The following PGCKA1 variants were observed in gnomAD, a reference collection of about 807,000 sequenced individuals.
PGCKA1 encodes the protein PDCD10 and GCKIII kinases associated 1.
chr4:37,517,408 T>C, the PGCKA1 span, among the ~76,000 whole-genome samples: 30,860 of 151,400 alleles, frequency 0.2, 3,884 homozygotes, highest in African/African-American at 0.34. Context: ...TAACCACAGA[T>C]TATTGGGGAC....
chr4:37,593,100 C>A, the PGCKA1 span, among the ~76,000 whole-genome samples: 3 of 152,162 alleles, frequency 2.0e-5, no homozygotes, highest in Non-Finnish European at 2.9e-5. Context: ...AAGATAAAGT[C>A]TTGGCATTGT....
At chr4:37,538,067 T>TCACACACACA in the PGCKA1 span, among the ~76,000 whole-genome samples, 16,323 of 150,106 alleles carry the variant, frequency 0.11, 2,896 homozygotes, top group African/African-American at 0.37. Context: ...CACAACCCTG[T>TCACACACACA]CACACACACA....
At chr4:37,493,748 C>G in the PGCKA1 span, among the ~76,000 whole-genome samples, 1 of 152,166 alleles carries the variant, frequency 6.6e-6, no homozygotes, top group East Asian at 1.9e-4. Flanking sequence ...TTCTCAGCCT[C>G]TGGTAACCAT....
At chr4:37,468,746 C>CACA in the PGCKA1 span, among the ~76,000 whole-genome samples, 260 of 151,418 alleles carry the variant, frequency 1.7e-3, 3 homozygotes, top group Admixed American at 0.014. Context: ...CTGTATACCC[C>CACA]CCCACACACA....
the PGCKA1 span, among the ~76,000 whole-genome samples, chr4:37,580,578 A>G: frequency 1.3e-5 from 2 of 152,130 alleles, no homozygotes; most frequent in Non-Finnish European, 2.9e-5. Flanking sequence ...AGTTCACTGG[A>G]TTACCGGGCA....
the PGCKA1 span, among the ~76,000 whole-genome samples, chr4:37,557,288 G>A: frequency 1.2e-4 from 18 of 151,880 alleles, no homozygotes; most frequent in East Asian, 1.2e-3. Context: ...GGGATTTTTC[G>A]CTTAGTCAAA....
chr4:37,514,851 T>G, the PGCKA1 span, among the ~76,000 whole-genome samples: 1 of 152,216 alleles, frequency 6.6e-6, no homozygotes, highest in Non-Finnish European at 1.5e-5. Context: ...GCTGGCAGTT[T>G]AATGTTGGCT....
chr4:37,522,525 C>T, the PGCKA1 span, among the ~76,000 whole-genome samples: 1 of 152,072 alleles, frequency 6.6e-6, no homozygotes, highest in Non-Finnish European at 1.5e-5. Flanking sequence ...ATCTAACAGT[C>T]AATTCCTGGA....
chr4:37,474,698 G>A, the PGCKA1 span, among the ~76,000 whole-genome samples: 612 of 152,266 alleles, frequency 4.0e-3, 1 homozygote, highest in African/African-American at 0.014. Context: ...AACTGAAAGG[G>A]TTGGGCTCAG....
the PGCKA1 span, among the ~76,000 whole-genome samples, chr4:37,539,729 C>T: frequency 6.6e-6 from 1 of 152,168 alleles, no homozygotes; most frequent in Non-Finnish European, 1.5e-5. Context: ...GGACCTGCTG[C>T]CATCCTCACT....
chr4:37,575,547 G>A, the PGCKA1 span, among the ~76,000 whole-genome samples: 1 of 151,924 alleles, frequency 6.6e-6, no homozygotes, highest in African/African-American at 2.4e-5. Context: ...CCATTCTGTG[G>A]GTTGTCTCTT....
At chr4:37,476,699 G>A in the PGCKA1 span, among the ~76,000 whole-genome samples, 567 of 152,262 alleles carry the variant, frequency 3.7e-3, 6 homozygotes, top group Non-Finnish European at 3.3e-3. Flanking sequence ...TAGAAGCTAG[G>A]AATCAAATCA....
chr4:37,529,797 T>G, the PGCKA1 span, among the ~76,000 whole-genome samples: 2 of 152,190 alleles, frequency 1.3e-5, no homozygotes, highest in South Asian at 4.1e-4. Flanking sequence ...TGGAAGAAAG[T>G]ACCGTGCTAC....
the PGCKA1 span, among the ~76,000 whole-genome samples, chr4:37,512,719 G>A: frequency 5.3e-5 from 8 of 151,956 alleles, no homozygotes; most frequent in Admixed American, 3.9e-4. Context: ...CTTCCTAAGT[G>A]CTGGGATTAC....
chr4:37,469,191 G>A, the PGCKA1 span, among the ~76,000 whole-genome samples: 2 of 152,126 alleles, frequency 1.3e-5, no homozygotes, highest in Non-Finnish European at 2.9e-5. Context: ...GTTTGTATAA[G>A]TACACTCTGA....
the PGCKA1 span, among the ~76,000 whole-genome samples, chr4:37,534,636 G>A: frequency 1.3e-5 from 2 of 152,140 alleles, no homozygotes; most frequent in Admixed American, 1.3e-4. Flanking sequence ...CAAGATCAAG[G>A]CATCACAGAT....
At chr4:37,495,520 C>T in the PGCKA1 span, among the ~76,000 whole-genome samples, 6 of 152,256 alleles carry the variant, frequency 3.9e-5, no homozygotes, top group Admixed American at 2.6e-4. Context: ...CCATGGAATA[C>T]TACGCAGCCC....
chr4:37,546,454 A>C, the PGCKA1 span, among the ~76,000 whole-genome samples: 1 of 152,238 alleles, frequency 6.6e-6, no homozygotes, highest in Non-Finnish European at 1.5e-5. Context: ...CTACCAGTGC[A>C]TGAAACACCT....
the PGCKA1 span, among the ~76,000 whole-genome samples, chr4:37,566,864 G>A: frequency 7.9e-4 from 121 of 152,302 alleles, no homozygotes; most frequent in African/African-American, 2.8e-3. Flanking sequence ...TTACAGGTGT[G>A]AGCCACCGCG....
Sources: allele counts gnomAD v4.1 joint callset (sites outside exome capture counted in the v4.1 genomes callset), GRCh38; gene constraint gnomAD v4.1.1; transcripts MANE v1.5; gene names NCBI Gene and HGNC (gene_info 2026-07-23, HGNC 2026-07-21).